Variants in OLAH observed in about 807,000 individuals in gnomAD.
OLAH encodes S-acyl fatty acid synthase thioesterase, medium chain.
A neutral mutation model predicts 27.8 loss-of-function variants in OLAH; 33 were observed. The observed-to-expected ratio is 1.19, with a 90% CI of 0.90 to 1.59. The LOEUF (loss-of-function observed/expected upper bound fraction) is 1.59, where lower values mean the gene tolerates loss of function less well. OLAH is among the 40% of genes most tolerant of loss of function. OLAH has a pLI of 0.00. For missense variants in OLAH, 359 were observed against 310.8 expected (o/e 1.16, Z -1.17); for synonymous variants, 120 against 102.9 (o/e 1.17, Z -1.01).
At chr10:15,062,343 T>G (rs1844384497) in intron 4 of OLAH, among the ~76,000 whole-genome samples, 1 of 152,052 alleles carries the variant, frequency 6.6e-6, no homozygotes, top group Non-Finnish European at 1.5e-5. Context: ...TGGTATATAG[T>G]AAGGAATCAA....
At chr10:15,057,039 G>T (rs1844260045) in intron 3 of OLAH, 1 of 1,329,674 alleles carries the variant, frequency 7.5e-7, no homozygotes. Flanking sequence ...TTTTTAATGT[G>T]GTGTCTTCTG....
At chr10:15,035,085 G>C (rs556042310) in intron 1 of OLAH, among the ~76,000 whole-genome samples, 2 of 152,026 alleles carry the variant, frequency 1.3e-5, no homozygotes, top group Admixed American at 1.3e-4. Flanking sequence ...CAGGCGCTGA[G>C]AGTTAAAAGG....
At chr10:15,056,146 C>T (rs943287917) in intron 3 of OLAH, among the ~76,000 whole-genome samples, 12 of 152,254 alleles carry the variant, frequency 7.9e-5, no homozygotes, top group African/African-American at 2.9e-4. Context: ...CTGAAACTTG[C>T]TTTTCCCACA....
At chr10:15,043,022 A>G (rs530724127), upstream of OLAH, among the ~76,000 whole-genome samples, 68 of 151,394 alleles carry the variant, frequency 4.5e-4, no homozygotes, top group African/African-American at 1.1e-3. Flanking sequence ...CACCACACCC[A>G]GCTAATTTTT....
At chr10:15,032,737 C>G (rs1843779096) in intron 1 of OLAH, among the ~76,000 whole-genome samples, 1 of 152,058 alleles carries the variant, frequency 6.6e-6, no homozygotes, top group African/African-American at 2.4e-5. Context: ...GAGGTGATTT[C>G]CGAAATGCTT....
chr10:15,057,006 T>G, intron 3 of OLAH: 13 of 1,388,314 alleles, frequency 9.4e-6, no homozygotes, highest in African/African-American at 1.5e-5. Context: ...GTTGAAAATG[T>G]CTTCTAGTTT....
intron 1 of OLAH, 106 bp from the exon 2 acceptor site, chr10:15,047,020 G>A (rs1047956584): frequency 1.1e-5 from 4 of 380,494 alleles, no homozygotes; most frequent in Non-Finnish European, 1.9e-5. Flanking sequence ...CATCAGTTGT[G>A]TTGGTTCTAA....
chr10:15,067,401 GTGT>G (rs1393133789), intron 6 of OLAH, among the ~76,000 whole-genome samples: 5 of 152,126 alleles, frequency 3.3e-5, no homozygotes, highest in South Asian at 2.1e-4. Flanking sequence ...ACCTTTCAAG[GTGT>G]TGTGTGAGAA....
intron 6 of OLAH, among the ~76,000 whole-genome samples, chr10:15,069,293 T>C (rs1844533493): frequency 6.6e-6 from 1 of 152,190 alleles, no homozygotes; most frequent in Non-Finnish European, 1.5e-5. Flanking sequence ...GGTTTTGGTG[T>C]AGAATTGTTT....
At chr10:15,046,723 C>T (rs1014999129) in intron 1 of OLAH, among the ~76,000 whole-genome samples, 1 of 152,128 alleles carries the variant, frequency 6.6e-6, no homozygotes, top group African/African-American at 2.4e-5. Flanking sequence ...TGAGCCGCCA[C>T]GCCCAGCCAC....
At chr10:15,046,742 G>T (rs188174994) in intron 1 of OLAH, among the ~76,000 whole-genome samples, 22 of 152,262 alleles carry the variant, frequency 1.4e-4, no homozygotes, top group African/African-American at 5.3e-4. Flanking sequence ...ACTTTCTTGA[G>T]ATTTAAAAGA....
At chr10:15,047,552 C>T (rs534622983) in intron 2 of OLAH, among the ~76,000 whole-genome samples, 58 of 152,178 alleles carry the variant, frequency 3.8e-4, no homozygotes, top group African/African-American at 1.3e-3. Context: ...AAAAATTCAC[C>T]GGGTATGGTG....
chr10:15,040,585 C>T (rs1843904818), upstream of OLAH, among the ~76,000 whole-genome samples: 1 of 152,136 alleles, frequency 6.6e-6, no homozygotes, highest in Admixed American at 6.5e-5. Flanking sequence ...TTCCTTCCTT[C>T]CCTTCCCCAC....
Position 15,049,739 on chromosome 10 carries a change from G to A in OLAH, c.137G>A (p.Gly46Asp). Reference sequence around the variant, plus strand: ...GGCTCCACTCATTTTGCCAAATGGGGCCAAGATACTCATGATTTGCTGGAA... The same window carrying A: ...GGCTCCACTCATTTTGCCAAATGGGACCAAGATACTCATGATTTGCTGGAA... Reference protein sequence around the residue: ...GGGSTHFAKWGQDTHDLLEVH... With the variant: ...GGGSTHFAKWDQDTHDLLEVH... Residue 46 changes from glycine to aspartate, a missense_variant, in exon 3 of 8, where the codon GGC becomes GAC. Coordinates refer to ENST00000378228, the MANE Select transcript of OLAH (RefSeq NM_001039702.3). 6.2e-7 allele frequency: 1 copy of A among 1,607,686 alleles called. No homozygotes were observed.
At chr10:15,071,261 G>A (rs1203085714) in intron 6 of OLAH, among the ~76,000 whole-genome samples, 1 of 152,080 alleles carries the variant, frequency 6.6e-6, no homozygotes, top group African/African-American at 2.4e-5. Context: ...GGACTTGATA[G>A]CACCTTCCAT....
chr10:15,058,534 C>G (rs1334512733), intron 3 of OLAH, among the ~76,000 whole-genome samples: 2 of 152,112 alleles, frequency 1.3e-5, no homozygotes, highest in East Asian at 3.9e-4. Context: ...CACTTTTCTA[C>G]TTATCAATTT....
intron 6 of OLAH, 98 bp from the exon 7 acceptor site, chr10:15,071,697 A>G: frequency 5.5e-6 from 8 of 1,461,310 alleles, no homozygotes; most frequent in Non-Finnish European, 7.5e-6. Context: ...CAAAGAAAAG[A>G]AGTGAACCCA....
chr10:15,060,502 A>G (rs1342768031), intron 3 of OLAH, among the ~76,000 whole-genome samples: 2 of 151,530 alleles, frequency 1.3e-5, no homozygotes, highest in African/African-American at 4.9e-5. Flanking sequence ...TTCTTTTTCT[A>G]TGTTTAAGTT....
At chr10:15,034,416 A>G (rs1843809230) in intron 1 of OLAH, among the ~76,000 whole-genome samples, 1 of 152,050 alleles carries the variant, frequency 6.6e-6, no homozygotes, top group South Asian at 2.1e-4. Flanking sequence ...TACAGGAGTA[A>G]GCCACTGCAC....
Sources: gnomAD v4.1 joint callset for allele counts (sites outside exome capture counted in the v4.1 genomes callset) on GRCh38, gnomAD v4.1.1 for gene constraint, MANE v1.5 for transcripts, NCBI Gene and HGNC (gene_info 2026-07-23, HGNC 2026-07-21) for gene names.